The following DPYD variants were observed in gnomAD, a reference collection of about 807,000 sequenced individuals.
DPYD encodes dihydropyrimidine dehydrogenase [NADP(+)].
In DPYD, 109 loss-of-function variants were observed where a neutral mutation model predicts 116.2. The ratio of observed to expected loss-of-function variants is 0.94; its 90% CI spans 0.80 to 1.10. DPYD has a LOEUF of 1.10. Among genes scored for constraint, DPYD ranks in the 50% least tolerant of loss-of-function variants. The pLI is 0.00. For missense variants in DPYD, 1,302 were observed against 1,254.5 expected (o/e 1.04, Z -0.57); for synonymous variants, 440 against 432.0 (o/e 1.02, Z -0.23).
chr1:97,623,044 A>C (rs550274797), intron 8 of DPYD, among the ~76,000 whole-genome samples: 1 of 152,206 alleles, frequency 6.6e-6, no homozygotes, highest in Admixed American at 6.6e-5. Context: ...CTTCTCAAGA[A>C]AGTGGGTATG....
chr1:97,591,265 C>A (rs1280131056), intron 10 of DPYD, among the ~76,000 whole-genome samples: 1 of 152,132 alleles, frequency 6.6e-6, no homozygotes, highest in African/African-American at 2.4e-5. Flanking sequence ...ACTCATTATA[C>A]TCCTATATTA....
At chr1:97,660,393 G>T (rs1046000843) in intron 8 of DPYD, among the ~76,000 whole-genome samples, 3 of 151,798 alleles carry the variant, frequency 2.0e-5, no homozygotes, top group Non-Finnish European at 4.4e-5. Context: ...GTTCAATAAA[G>T]GTATCATCCC....
intron 12 of DPYD, among the ~76,000 whole-genome samples, chr1:97,540,340 G>A (rs1277000779): frequency 2.2e-5 from 3 of 137,702 alleles, no homozygotes; most frequent in Admixed American, 2.2e-4. Context: ...GTGGGGGGTG[G>A]GGGTGGCGGC....
intron 18 of DPYD, among the ~76,000 whole-genome samples, chr1:97,273,476 T>G (rs1039548284): frequency 2.0e-5 from 3 of 152,204 alleles, no homozygotes; most frequent in African/African-American, 4.8e-5. Flanking sequence ...CCATACTGAC[T>G]GCAAAATGGC....
intron 16 of DPYD, among the ~76,000 whole-genome samples, chr1:97,325,628 A>G (rs1668670894): frequency 6.6e-6 from 1 of 152,054 alleles, no homozygotes; most frequent in South Asian, 2.1e-4. Flanking sequence ...GAAGTGAATG[A>G]AAACTTAGCA....
At chr1:97,499,824 A>G (rs1278751669) in intron 13 of DPYD, among the ~76,000 whole-genome samples, 2 of 151,958 alleles carry the variant, frequency 1.3e-5, no homozygotes, top group Non-Finnish European at 2.9e-5. Context: ...ACAATAGTGT[A>G]AGTCAATCCA....
chr1:97,121,199 C>A (rs951261195), intron 20 of DPYD, among the ~76,000 whole-genome samples: 1 of 152,076 alleles, frequency 6.6e-6, no homozygotes, highest in Non-Finnish European at 1.5e-5. Context: ...CAGGTGAGGA[C>A]CTGCTACCTT....
chr1:97,463,234 G>A (rs558788687), intron 13 of DPYD, among the ~76,000 whole-genome samples: 9 of 152,214 alleles, frequency 5.9e-5, no homozygotes, highest in African/African-American at 2.2e-4. Flanking sequence ...AGAATCATGG[G>A]GCAAGTCTTT....
intron 14 of DPYD, among the ~76,000 whole-genome samples, chr1:97,395,545 T>C (rs1236303217): frequency 6.6e-6 from 1 of 152,084 alleles, no homozygotes; most frequent in Non-Finnish European, 1.5e-5. Context: ...ACCATATTGA[T>C]TTCCTATCCT....
At chr1:97,896,985 C>T (rs1292712279) in intron 1 of DPYD, among the ~76,000 whole-genome samples, 1 of 151,844 alleles carries the variant, frequency 6.6e-6, no homozygotes, top group East Asian at 1.9e-4. Flanking sequence ...ATGTAGTTAC[C>T]ATTTTTGCAA....
chr1:97,621,703 A>G (rs111624700), intron 8 of DPYD, among the ~76,000 whole-genome samples: 2,555 of 152,146 alleles, frequency 0.017, 77 homozygotes, highest in African/African-American at 0.059. Flanking sequence ...TTATCCAATA[A>G]AAGAAATCAG....
intron 12 of DPYD, among the ~76,000 whole-genome samples, chr1:97,522,901 T>C (rs534255683): frequency 1.3e-5 from 2 of 152,298 alleles, no homozygotes; most frequent in East Asian, 1.9e-4. Context: ...TTAATAATTA[T>C]TTTTAATACA....
intron 2 of DPYD, among the ~76,000 whole-genome samples, chr1:97,868,993 G>A (rs771491557): frequency 9.9e-5 from 15 of 151,684 alleles, no homozygotes; most frequent in African/African-American, 3.1e-4. Flanking sequence ...AGAAACCTGC[G>A]CAGCTTCTTT....
At chr1:97,666,429 G>T (rs1659560961) in intron 8 of DPYD, among the ~76,000 whole-genome samples, 1 of 152,062 alleles carries the variant, frequency 6.6e-6, no homozygotes, top group Admixed American at 6.6e-5. Context: ...AAAATGCTGG[G>T]ATTACAGGCA....
intron 20 of DPYD, among the ~76,000 whole-genome samples, chr1:97,189,722 G>A (rs1332317762): frequency 2.0e-5 from 3 of 152,022 alleles, no homozygotes; most frequent in Admixed American, 2.0e-4. Flanking sequence ...AAAACCTTTG[G>A]AGCCAGATGT....
At chr1:97,457,805 T>C (rs1189430586) in intron 13 of DPYD, among the ~76,000 whole-genome samples, 9 of 152,200 alleles carry the variant, frequency 5.9e-5, no homozygotes, top group Non-Finnish European at 1.3e-4. Context: ...AAACTTTTTC[T>C]GCAGGCTTTG....
chr1:97,475,399 G>A (rs1677899706), intron 13 of DPYD, among the ~76,000 whole-genome samples: 1 of 151,958 alleles, frequency 6.6e-6, no homozygotes, highest in African/African-American at 2.4e-5. Context: ...TATAAAAACA[G>A]TGACAATAAA....
At chr1:97,119,609 G>A (rs147164451) in intron 20 of DPYD, among the ~76,000 whole-genome samples, 102 of 152,122 alleles carry the variant, frequency 6.7e-4, no homozygotes, top group Non-Finnish European at 1.3e-3. Flanking sequence ...CTGCTGTGAG[G>A]ATCCAGTAAA....
At chr1:97,747,885 G>T (rs538124032) in intron 3 of DPYD, among the ~76,000 whole-genome samples, 1 of 152,236 alleles carries the variant, frequency 6.6e-6, no homozygotes, top group South Asian at 2.1e-4. Flanking sequence ...TTTCTCATTT[G>T]CAAATGGGGA....
Sources: allele counts gnomAD v4.1 joint callset (sites outside exome capture counted in the v4.1 genomes callset), GRCh38; gene constraint gnomAD v4.1.1; transcripts MANE v1.5; gene names NCBI Gene and HGNC (gene_info 2026-07-23, HGNC 2026-07-21).